The following SMU1 variants were observed in gnomAD, a reference collection of about 807,000 sequenced individuals.
The protein encoded by SMU1 is WD40 repeat-containing protein SMU1.
In SMU1, 2 loss-of-function variants were observed where a neutral mutation model predicts 62.0. The observed-to-expected ratio is 0.03, with a 90% CI of 0.01 to 0.10. The LOEUF (loss-of-function observed/expected upper bound fraction) is 0.10. Among genes scored for constraint, SMU1 ranks in the 10% least tolerant of loss-of-function variants. SMU1 has a pLI of 1.00. For synonymous variants in SMU1, 188 were observed against 212.4 expected, an observed-to-expected ratio of 0.89 and a Z score of 1.00; for missense variants, 227 against 622.1, an observed-to-expected ratio of 0.36 and a Z score of 6.76.
At position 33,063,183 on chromosome 9, in the gene SMU1, G is replaced by A. The variant is rs376424056; in HGVS notation, c.502-1006C>T. On this transcript the variant is annotated intron_variant, in intron 4 of 11. Transcript: ENST00000397149. ...TCCAGGCCAGCCTGGTCAACATGGT[G>A]AAACCCCATCTCTACTAAAATTACA... Among the ~76,000 whole-genome samples, 13 of 152,312 alleles carry A rather than the reference G, an allele frequency of 8.5e-5. No homozygotes were observed. The East Asian group carries it at 1.5e-3, about 18-fold the overall frequency.
At chr9:33,056,022 G>A (rs1839299974) in intron 9 of SMU1, 91 bp downstream of exon 9, 1 of 1,318,896 alleles carries the variant, frequency 7.6e-7, no homozygotes, top group African/African-American at 1.5e-5. Flanking sequence ...GTTTACTACA[G>A]CACAATCATT....
At chr9:33,075,166 G>A (rs556785489) in intron 1 of SMU1, among the ~76,000 whole-genome samples, 4 of 152,298 alleles carry the variant, frequency 2.6e-5, no homozygotes, top group African/African-American at 9.6e-5. Flanking sequence ...CACAAGGTCA[G>A]GAGATCGAGA....
chr9:33,070,971 G>A (rs565088624), intron 3 of SMU1, among the ~76,000 whole-genome samples: 1 of 152,156 alleles, frequency 6.6e-6, no homozygotes, highest in African/African-American at 2.4e-5. Context: ...GCACAACAGG[G>A]TGACTATAGC....
intron 4 of SMU1, among the ~76,000 whole-genome samples, chr9:33,068,535 G>T (rs1284082545): frequency 6.6e-6 from 1 of 152,048 alleles, no homozygotes; most frequent in Non-Finnish European, 1.5e-5. Flanking sequence ...TGGAGACAGG[G>T]TCTCACTCTG....
At chr9:33,067,270 C>T (rs972352348) in intron 4 of SMU1, among the ~76,000 whole-genome samples, 7 of 116,852 alleles carry the variant, frequency 6.0e-5, no homozygotes, top group Admixed American at 1.0e-4. Context: ...AATCATTTTT[C>T]GCTGAAGAAA....
rs762103267 is a variant in SMU1 at position 33,053,215 on chromosome 9, C to T, written c.1198G>A (p.Val400Ile). ...TTAGGAAGTAGAATCACACTGTTGA[C>T]GGTAATATCTGTCCCTGCGGTGCTG... ...LGSTAGTDIT[V>I]NSVILLPKNP... Residue 400 changes from valine to isoleucine, a missense_variant, in exon 10 of 12, where the codon GTC becomes ATC. By Grantham distance (29) the Val-to-Ile change is conservative (BLOSUM62 3). Coordinates refer to ENST00000397149, the MANE Select transcript of SMU1 (RefSeq NM_018225.3). The T allele has an allele frequency of 5.6e-6, 9 of 1,612,324 alleles. No individual in the cohort carries two copies. The highest frequency in any genetic ancestry group is 1.3e-5 in the African/African-American group (1 of 74,860).
chr9:33,063,189 C>T (rs905038982), intron 4 of SMU1, among the ~76,000 whole-genome samples: 1 of 152,112 alleles, frequency 6.6e-6, no homozygotes, highest in African/African-American at 2.4e-5. Context: ...TGGTGAAACC[C>T]CATCTCTACT....
chr9:33,051,612 G>A (rs1375802549), intron 10 of SMU1, among the ~76,000 whole-genome samples: 7 of 152,174 alleles, frequency 4.6e-5, no homozygotes, highest in Admixed American at 4.6e-4. Context: ...CAATTTTGCT[G>A]TGAACCTAAA....
intron 4 of SMU1, among the ~76,000 whole-genome samples, chr9:33,067,698 C>T (rs867722631): frequency 1.3e-5 from 2 of 151,864 alleles, no homozygotes; most frequent in Middle Eastern, 3.2e-3. Context: ...GGGGTTTCAC[C>T]ATGTTGGCCA....
At chr9:33,059,011 TA>T (rs1314133338) in intron 6 of SMU1, among the ~76,000 whole-genome samples, 2 of 151,456 alleles carry the variant, frequency 1.3e-5, no homozygotes, top group African/African-American at 2.4e-5. Flanking sequence ...TTCGGTAAAA[TA>T]AAAAAAAATT....
At chr9:33,057,028 A>G in intron 7 of SMU1, 64 bp from the exon 8 acceptor site, 1 of 1,550,020 alleles carries the variant, frequency 6.5e-7, no homozygotes, top group South Asian at 1.2e-5. Context: ...TTAATAGCCC[A>G]CAGAGCCAAG....
intron 5 of SMU1, 94 bp downstream of exon 5, chr9:33,061,955 T>A (rs1367935658): frequency 2.2e-6 from 3 of 1,347,172 alleles, no homozygotes; most frequent in Admixed American, 2.1e-5. Context: ...GTTCTCCCCC[T>A]CAATTATCCA....
At chr9:33,064,078 T>C (rs970464095) in intron 4 of SMU1, among the ~76,000 whole-genome samples, 2 of 152,210 alleles carry the variant, frequency 1.3e-5, no homozygotes, top group Non-Finnish European at 2.9e-5. Flanking sequence ...TTGTTGTTTA[T>C]GTTTGCTGCA....
intron 1 of SMU1, among the ~76,000 whole-genome samples, chr9:33,075,987 T>C (rs1839541611): frequency 6.6e-6 from 1 of 152,162 alleles, no homozygotes. Context: ...TGATAGTTGT[T>C]CATTCATTCC....
At chr9:33,073,402 A>G (rs1037401513) in intron 2 of SMU1, among the ~76,000 whole-genome samples, 194 bp downstream of exon 2, 2 of 152,228 alleles carry the variant, frequency 1.3e-5, no homozygotes, top group East Asian at 1.9e-4. Context: ...GTCTCAAAAA[A>G]AGGAAAGAAT....
intron 2 of SMU1, among the ~76,000 whole-genome samples, chr9:33,072,781 A>G (rs1337415539): frequency 6.7e-6 from 1 of 149,272 alleles, no homozygotes; most frequent in African/African-American, 2.5e-5. Context: ...GTGAGCAGAG[A>G]TCGCACCACT....
chr9:33,047,858 C>CAAAATAAAAT (rs755456828), intron 11 of SMU1, among the ~76,000 whole-genome samples: 1 of 151,766 alleles, frequency 6.6e-6, no homozygotes, highest in Non-Finnish European at 1.5e-5. Flanking sequence ...GACTCCCTCT[C>CAAAATAAAAT]AAAATAAAAT....
rs547542099 is a variant in SMU1, at chr9:33,053,016, G to A, written c.1290+107C>T. ...ACAAATACAGCTTAAACGGTTTACA[G>A]AGAAATGAACCCAAATTTGGTTATT... is the stretch of plus-strand genomic sequence containing the variant. On this transcript the variant is annotated intron_variant, in intron 10 of 11. Transcript: ENST00000397149. The A allele has an allele frequency of 7.7e-5, 72 of 939,360 alleles. 1 individual carries two copies. In the South Asian group the frequency reaches 8.9e-4, roughly 12 times the overall value. 58.2% of individuals were successfully genotyped at this position (939,360 alleles called of 1,614,324 possible). A position where few individuals can be genotyped will look rare whatever the true frequency, so the allele number is the denominator to read the frequency against.
intron 10 of SMU1, among the ~76,000 whole-genome samples, chr9:33,051,879 A>AC (rs1220344735): frequency 2.0e-5 from 3 of 151,712 alleles, no homozygotes; most frequent in East Asian, 1.9e-4. Flanking sequence ...ACTTGGAGTG[A>AC]CCCCGTCTCT....
Sources: allele counts gnomAD v4.1 joint callset (sites outside exome capture counted in the v4.1 genomes callset), GRCh38; gene constraint gnomAD v4.1.1; transcripts MANE v1.5; gene names NCBI Gene and HGNC (gene_info 2026-07-23, HGNC 2026-07-21).